WDR7: variants seen among roughly 807,000 people sequenced by gnomAD.
WDR7 encodes the protein WD repeat-containing protein 7.
A neutral mutation model predicts 169.4 loss-of-function variants in WDR7; 46 were observed. The observed-to-expected ratio is 0.27, with a 90% CI of 0.21 to 0.35. The LOEUF (loss-of-function observed/expected upper bound fraction) is 0.35, where lower values mean the gene tolerates loss of function less well. Ranked by LOEUF, WDR7 falls within the 10% of genes least tolerant of loss-of-function variation. The pLI is 1.00. For synonymous variants in WDR7, 612 were observed against 666.8 expected (o/e 0.92, Z 1.27); for missense variants, 1,534 against 1,859.3 (o/e 0.83, Z 3.22).
intron 26 of WDR7, among the ~76,000 whole-genome samples, chr18:57,013,823 C>T (rs562242922): frequency 3.3e-5 from 5 of 152,284 alleles, no homozygotes; most frequent in South Asian, 4.1e-4. Context: ...CTAAAGATAA[C>T]GGGGAGCACT....
chr18:57,018,708 T>C (rs2048243677), intron 26 of WDR7, among the ~76,000 whole-genome samples: 1 of 152,246 alleles, frequency 6.6e-6, no homozygotes, highest in Admixed American at 6.5e-5. Context: ...GTTAAGGGTT[T>C]TGAGTTTGCA....
intron 25 of WDR7, among the ~76,000 whole-genome samples, chr18:56,952,750 C>T (rs2047200642): frequency 6.6e-6 from 1 of 152,112 alleles, no homozygotes; most frequent in African/African-American, 2.4e-5. Context: ...GAATATTTTT[C>T]AGCACTATTA....
chr18:56,898,563 C>T (rs1239259886), intron 21 of WDR7, among the ~76,000 whole-genome samples: 1 of 152,070 alleles, frequency 6.6e-6, no homozygotes, highest in Admixed American at 6.6e-5. Flanking sequence ...TGGAATGATA[C>T]ACTTGCAAGG....
At chr18:56,925,406 G>GT (rs2046791626) in intron 22 of WDR7, among the ~76,000 whole-genome samples, 2 of 152,152 alleles carry the variant, frequency 1.3e-5, no homozygotes, top group South Asian at 4.2e-4. Flanking sequence ...GCCAACACTT[G>GT]TTTTTTTCTT....
intron 16 of WDR7, among the ~76,000 whole-genome samples, chr18:56,768,990 A>G (rs1047336658): frequency 6.6e-6 from 1 of 152,228 alleles, no homozygotes; most frequent in East Asian, 1.9e-4. Context: ...GTATCTTCAC[A>G]AGAGGTTTAT....
intron 21 of WDR7, among the ~76,000 whole-genome samples, chr18:56,899,285 A>G (rs1156628388): frequency 1.3e-5 from 2 of 152,002 alleles, no homozygotes; most frequent in Non-Finnish European, 2.9e-5. Flanking sequence ...TTTCACATTC[A>G]ACTTTATCCA....
At chr18:56,680,192 A>C (rs940272236) in intron 3 of WDR7, among the ~76,000 whole-genome samples, 1 of 152,106 alleles carries the variant, frequency 6.6e-6, no homozygotes, top group Non-Finnish European at 1.5e-5. Context: ...CCCTGTCTCT[A>C]CAAAAAAATG....
chr18:56,809,985 G>T (rs2044841732), intron 19 of WDR7, among the ~76,000 whole-genome samples: 1 of 151,850 alleles, frequency 6.6e-6, no homozygotes. Context: ...TTTCATTTTT[G>T]TTTTGCCTTT....
At chr18:57,003,386 T>C (rs2048009829) in intron 26 of WDR7, among the ~76,000 whole-genome samples, 1 of 152,112 alleles carries the variant, frequency 6.6e-6, no homozygotes, top group Admixed American at 6.5e-5. Flanking sequence ...AAGGAAATGT[T>C]GTTACTTTTT....
intron 20 of WDR7, among the ~76,000 whole-genome samples, chr18:56,822,564 C>A (rs7230069): frequency 0.15 from 23,331 of 152,112 alleles, 2,571 homozygotes; most frequent in African/African-American, 0.32. Context: ...TTTCCTAGCC[C>A]GGAGTCAGAG....
intron 21 of WDR7, among the ~76,000 whole-genome samples, chr18:56,884,550 T>C (rs1278086747): frequency 6.6e-6 from 1 of 152,222 alleles, no homozygotes; most frequent in Admixed American, 6.5e-5. Context: ...CATTTGCTTT[T>C]GGGTTCTTGG....
intron 20 of WDR7, among the ~76,000 whole-genome samples, chr18:56,820,338 T>TTAA (rs1487473876): frequency 3.2e-4 from 1 of 3,114 alleles, no homozygotes; most frequent in East Asian, 6.8e-3. Flanking sequence ...ACTGACATTG[T>TTAA]CAAAAAAAAA....
intron 25 of WDR7, among the ~76,000 whole-genome samples, chr18:56,954,284 A>C (rs2047220587): frequency 1.3e-5 from 2 of 152,200 alleles, no homozygotes; most frequent in African/African-American, 4.8e-5. Context: ...TATGCTTTAT[A>C]TTAAAACACT....
chr18:56,742,978 G>A (rs969057679), intron 14 of WDR7, among the ~76,000 whole-genome samples: 1 of 152,074 alleles, frequency 6.6e-6, no homozygotes, highest in Non-Finnish European at 1.5e-5. Flanking sequence ...ACTCTCAAAA[G>A]GAATTATATA....
At chr18:56,823,551 G>C (rs1006780153) in intron 20 of WDR7, among the ~76,000 whole-genome samples, 1 of 151,988 alleles carries the variant, frequency 6.6e-6, no homozygotes, top group African/African-American at 2.4e-5. Context: ...ACATCCCTGC[G>C]CTCCAGCCTG....
At chr18:56,696,213 C>T in intron 11 of WDR7, 29 bp from the exon 12 acceptor site, 20 of 1,550,460 alleles carry the variant, frequency 1.3e-5, no homozygotes, top group South Asian at 6.0e-5. Context: ...TTTAATTTTC[C>T]CATTTTAAAT....
chr18:56,961,065 T>C (rs1196386774), intron 25 of WDR7, among the ~76,000 whole-genome samples: 2 of 152,088 alleles, frequency 1.3e-5, no homozygotes, highest in Non-Finnish European at 2.9e-5. Flanking sequence ...GACAAAAATA[T>C]TGTTCAGTGT....
rs1299975644 is a variant in WDR7 at position 56,779,499 on chromosome 18, C to A, written c.3016C>A (p.Pro1006Thr). ...PDLLGLDKFRPPLLEMLARRW... is the reference protein window; with the variant it reads ...PDLLGLDKFRTPLLEMLARRW... ...CCTACTGGGATTGGATAAATTTAGG[C>A]CTCCCCTTCTGGAGATGCTGGCCCG... is the stretch of plus-strand genomic sequence containing the variant. The change falls in exon 18 of 28, where the codon CCT becomes ACT. Residue 1006 changes from proline (P) to threonine (T), a missense_variant. Pro to Thr is a conservative substitution (Grantham distance 38). Coordinates refer to ENST00000254442, the MANE Select transcript of WDR7 (RefSeq NM_015285.3). The A allele has an allele frequency of 2.5e-6, 4 of 1,613,890 alleles. No homozygotes were observed. The highest frequency in any genetic ancestry group is 1.1e-5 in the South Asian group (1 of 91,054).
intron 16 of WDR7, among the ~76,000 whole-genome samples, chr18:56,774,810 G>A (rs901778559): frequency 6.6e-6 from 1 of 151,944 alleles, no homozygotes; most frequent in Non-Finnish European, 1.5e-5. Flanking sequence ...TTAAAGCATA[G>A]TAAATCTGAT....
Sources: gnomAD v4.1 joint callset for allele counts (sites outside exome capture counted in the v4.1 genomes callset) on GRCh38, gnomAD v4.1.1 for gene constraint, MANE v1.5 for transcripts, NCBI Gene and HGNC (gene_info 2026-07-23, HGNC 2026-07-21) for gene names.